The following SGSM3 variants were observed in gnomAD, a reference collection of about 807,000 sequenced individuals.
The protein encoded by SGSM3 is small G protein signaling modulator 3, also known as RUN and SH3 containing 3.
In SGSM3, 96 loss-of-function variants were observed where a neutral mutation model predicts 100.5. That is an observed-to-expected ratio of 0.96 (90% CI 0.81 to 1.13). The LOEUF (loss-of-function observed/expected upper bound fraction) is 1.13, where lower values mean the gene tolerates loss of function less well. SGSM3 is among the 50% of genes most tolerant of loss of function. SGSM3 has a pLI of 0.00. For missense variants in SGSM3, 1,001 were observed against 1,015.8 expected (o/e 0.99, Z 0.20); for synonymous variants, 483 against 422.8 (o/e 1.14, Z -1.75).
rs1245595357 is a variant in SGSM3, at chr22:40,407,420, C to T, written c.1376C>T (p.Thr459Ile). 9.3e-6 allele frequency: 15 copies of T among 1,612,376 alleles called. No individual in the cohort carries two copies. Among genetic ancestry groups the T allele is most frequent in the African/African-American group, 1.3e-5 (1 of 74,952 alleles). Reference sequence around the variant, plus strand: ...CTGTGTTCACTGTGGCAGGAGCTGACTCCAGACTATAGCATGGAGAGCCAC... The same window carrying T: ...CTGTGTTCACTGTGGCAGGAGCTGATTCCAGACTATAGCATGGAGAGCCAC... ...TDPKNCSVEL[T>I]PDYSMESHQR... is the part of the protein sequence containing the mutation. Residue 459 changes from threonine to isoleucine, a missense_variant, in exon 13 of 22, where the codon ACT becomes ATT. Thr to Ile is a moderately conservative substitution (Grantham distance 89, BLOSUM62 -1). Coordinates refer to ENST00000248929, the MANE Select transcript of SGSM3 (RefSeq NM_015705.6). The surrounding 1 kb of genome is among the most constrained non-coding windows in gnomAD (Gnocchi z 4.7).
chr22:40,385,316 C>G (rs907672831), intron 1 of SGSM3, among the ~76,000 whole-genome samples: 1 of 152,104 alleles, frequency 6.6e-6, no homozygotes, highest in Non-Finnish European at 1.5e-5. Flanking sequence ...GGGATAAGAG[C>G]TAGAAAGGTA....
chr22:40,380,455 C>T (rs1189570434), intron 1 of SGSM3, among the ~76,000 whole-genome samples: 2 of 151,632 alleles, frequency 1.3e-5, no homozygotes, highest in African/African-American at 4.9e-5. Context: ...TAACCTCCGC[C>T]TCCCGGGTTC....
intron 1 of SGSM3, among the ~76,000 whole-genome samples, chr22:40,371,103 C>G (rs1340464342): frequency 1.3e-5 from 2 of 152,206 alleles, no homozygotes; most frequent in Non-Finnish European, 2.9e-5. Context: ...GTTTAACTTG[C>G]GGTTTTCCCT....
chr22:40,371,298 T>C (rs1257430277), intron 1 of SGSM3, among the ~76,000 whole-genome samples: 1 of 152,220 alleles, frequency 6.6e-6, no homozygotes, highest in Non-Finnish European at 1.5e-5. Context: ...GGCTCTTTTT[T>C]ATTTGGAAAG....
chr22:40,387,265 G>T (rs1601862303), intron 1 of SGSM3: 1 of 398,398 alleles, frequency 2.5e-6, no homozygotes, highest in Non-Finnish European at 4.4e-6. Flanking sequence ...GAGTATAATA[G>T]CATATATACT....
intron 6 of SGSM3, 45 bp from the exon 7 acceptor site, chr22:40,405,096 T>C: frequency 1.4e-6 from 2 of 1,464,414 alleles, no homozygotes; most frequent in Non-Finnish European, 1.8e-6. Context: ...CCTCCCAGGG[T>C]GTCACAAGGT....
At chr22:40,406,748 A>C in intron 10 of SGSM3, 86 bp downstream of exon 10, 1 of 1,178,194 alleles carries the variant, frequency 8.5e-7, no homozygotes, top group Non-Finnish European at 1.2e-6. Flanking sequence ...GGGGCTGCGG[A>C]AAACAAACCA....
intron 1 of SGSM3, chr22:40,376,178 C>CTTTTTTTTTTTTTT (rs10616868): frequency 1.2e-5 from 1 of 86,844 alleles, no homozygotes; most frequent in Non-Finnish European, 2.3e-5. Context: ...CAAATTACCA[C>CTTTTTTTTTTTTTT]TTTTTTTTTT....
At chr22:40,390,698 T>C (rs2049236468) in intron 1 of SGSM3, among the ~76,000 whole-genome samples, 1 of 152,176 alleles carries the variant, frequency 6.6e-6, no homozygotes, top group African/African-American at 2.4e-5. Context: ...ATGGGTTTGT[T>C]GGGGGCCCAG....
chr22:40,392,906 G>A (rs2049545992), intron 1 of SGSM3, among the ~76,000 whole-genome samples: 1 of 152,092 alleles, frequency 6.6e-6, no homozygotes. Flanking sequence ...GCCTATGTTG[G>A]ACATTTCATA....
intron 10 of SGSM3, 115 bp from the exon 11 acceptor site, chr22:40,406,902 C>A: frequency 8.8e-7 from 1 of 1,134,822 alleles, no homozygotes; most frequent in Admixed American, 2.0e-5. Flanking sequence ...TATCTGTTTT[C>A]AATTCTTGGA....
chr22:40,393,335 C>A (rs1335799821), intron 1 of SGSM3, among the ~76,000 whole-genome samples: 1 of 152,212 alleles, frequency 6.6e-6, no homozygotes. Context: ...CCAGGCTGGT[C>A]GCAAACTCCT....
At chr22:40,405,313 C>A in intron 7 of SGSM3, 29 bp downstream of exon 7, 2 of 1,450,604 alleles carry the variant, frequency 1.4e-6, no homozygotes, top group Non-Finnish European at 1.8e-6. Context: ...AGGGCAGTGG[C>A]AGCCCCAGGA....
At position 40,409,538 on chromosome 22, in the gene SGSM3, G is replaced by A. The variant is rs751469387; in HGVS notation, c.2172+13G>A. On this transcript the variant is annotated intron_variant, in intron 21 of 21. Transcript: ENST00000248929. ...TGCGAAGAGAGAGGTGGGTGGTGTGGGCCTCGTAGGGCCTGCACTGATGGA... is the reference window on the plus strand; with the variant it reads ...TGCGAAGAGAGAGGTGGGTGGTGTGAGCCTCGTAGGGCCTGCACTGATGGA... 3.1e-6 allele frequency: 5 copies of A among 1,604,640 alleles called. No individual in the cohort carries two copies. The highest frequency in any genetic ancestry group is 1.8e-5 in the Admixed American group (1 of 56,866).
chr22:40,408,964 C>A lies in SGSM3; in HGVS notation c.1934C>A (p.Ala645Glu). ...CAGTCTGTGAACGTGACCCACGATG[C>A]AGTGCATGCACAAATGGATGTGAAG... ...AVQSVNVTHD[A>E]VHAQMDVKLR... is the part of the protein sequence containing the mutation. Residue 645 changes from alanine (A) to glutamate (E), a missense_variant, in exon 19 of 22, where the codon GCA (alanine) becomes GAA (glutamate). Ala to Glu is a moderately radical substitution (Grantham distance 107). Transcript: ENST00000248929. 1 of 1,602,176 alleles carries A rather than the reference C, an allele frequency of 6.2e-7. No homozygotes were observed. Among genetic ancestry groups the A allele is most frequent in the Non-Finnish European group, 8.5e-7 (1 of 1,174,290 alleles).
At chr22:40,397,291 G>C (rs1208067129) in intron 1 of SGSM3, among the ~76,000 whole-genome samples, 2 of 152,156 alleles carry the variant, frequency 1.3e-5, no homozygotes, top group Non-Finnish European at 2.9e-5. Flanking sequence ...ATCTGGCTGG[G>C]TGTGGTGGCT....
At chr22:40,376,822 T>C (rs576930542) in intron 1 of SGSM3, among the ~76,000 whole-genome samples, 1 of 152,276 alleles carries the variant, frequency 6.6e-6, no homozygotes, top group African/African-American at 2.4e-5. Flanking sequence ...AATAGAGTAG[T>C]TTTGAAGATT....
chr22:40,400,958 G>A, intron 2 of SGSM3, 145 bp downstream of exon 2: 1 of 806,650 alleles, frequency 1.2e-6, no homozygotes, highest in Non-Finnish European at 1.9e-6. Flanking sequence ...GGCTGAGAAA[G>A]TTATTAAAAC....
chr22:40,383,196 A>G (rs2047854148), intron 1 of SGSM3, among the ~76,000 whole-genome samples: 1 of 152,092 alleles, frequency 6.6e-6, no homozygotes, highest in Admixed American at 6.6e-5. Context: ...GGCCGGGTGC[A>G]GTGGCTCACA....
Sources: gnomAD v4.1 joint callset for allele counts (sites outside exome capture counted in the v4.1 genomes callset) on GRCh38, gnomAD v4.1.1 for gene constraint, Gnocchi (gnomAD v3.1) non-coding constraint, MANE v1.5 for transcripts, NCBI Gene and HGNC (gene_info 2026-07-23, HGNC 2026-07-21) for gene names.